Variants in GRM6 observed in about 807,000 individuals in gnomAD.
GRM6 encodes glutamate metabotropic receptor 6.
A neutral mutation model predicts 78.4 loss-of-function variants in GRM6; 73 were observed. The ratio of observed to expected loss-of-function variants is 0.93; its 90% CI spans 0.77 to 1.13. The LOEUF is 1.13. GRM6 is among the 50% of genes most tolerant of loss of function. The pLI is 0.00. For missense variants in GRM6, 1,251 were observed against 1,256.4 expected (o/e 1.00, Z 0.07); for synonymous variants, 580 against 555.0 (o/e 1.05, Z -0.63).
At position 178,986,632 on chromosome 5, in the gene GRM6, T is replaced by C. The variant is rs201510566; in HGVS notation, c.1622A>G (p.Glu541Gly). The stretch of plus-strand genomic sequence containing the variant: ...CTGGAAGCGGTACCCGTCACAGGCC[T>C]CGCAGTGCCAACAGCAGGGGACGCC... The part of the protein sequence containing the change: ...VKGVPCCWHC[E>G]ACDGYRFQVD... The change falls in exon 9 of 11, where the codon GAG (glutamate) becomes GGG (glycine). Residue 541 changes from glutamate (E) to glycine (G), a missense_variant. Physicochemically the swap from Glu to Gly is moderately conservative, Grantham distance 98. Coordinates refer to ENST00000517717, the MANE Select transcript of GRM6 (RefSeq NM_000843.4). The C allele has an allele frequency of 1.1e-5, 18 of 1,602,778 alleles. No homozygotes were observed. Among genetic ancestry groups the C allele is most frequent in the Non-Finnish European group, 1.0e-5 (12 of 1,179,892 alleles).
At position 178,991,442 on chromosome 5, in the gene GRM6, G is replaced by A. The variant is rs558788972; in HGVS notation, c.839C>T (p.Ala280Val). Reference sequence around the variant, plus strand: ...GTCCCACCTGATGTCATCCTCATTGGCAAAGATGATGATGCCCCGGGCGTT... The same window carrying A: ...GTCCCACCTGATGTCATCCTCATTGACAAAGATGATGATGCCCCGGGCGTT... ...TPNARGIIIF[A>V]NEDDIRRVLE... is the part of the protein sequence containing the mutation. Residue 280 changes from alanine to valine, a missense_variant, in exon 4 of 11, where the codon GCC (alanine) becomes GTC (valine). Ala to Val is a moderately conservative substitution (Grantham distance 64). Coordinates refer to ENST00000517717, the MANE Select transcript of GRM6 (RefSeq NM_000843.4). The surrounding 1 kb of genome is among the most constrained non-coding windows in gnomAD (Gnocchi z 5.0). 42 of 1,613,918 alleles carry A rather than the reference G, an allele frequency of 2.6e-5. 1 individual carries two copies. In the South Asian group the frequency reaches 4.4e-4, roughly 17 times the overall value.
rs879376790 is a variant in GRM6, at chr5:178,988,522, C to T, written c.1354+413G>A. ...GGTGCCAAGGGACAGGTCAGACCCA[C>T]GCCTGTGCCTGGCGCATGACTCAGA... On this transcript the variant is annotated intron_variant, in intron 7 of 10. Transcript: ENST00000517717. This position sits in a 1 kb window ranked among gnomAD's most constrained non-coding sequence, Gnocchi z 6.0. Among the ~76,000 whole-genome samples the T allele has an allele frequency of 1.3e-5, 2 of 152,236 alleles. No individual in the cohort carries two copies. Among genetic ancestry groups the T allele is most frequent in the African/African-American group, 2.4e-5 (1 of 41,462 alleles).
intron 7 of GRM6, among the ~76,000 whole-genome samples, chr5:178,987,915 ATG>A (rs1561718715): frequency 6.9e-6 from 1 of 144,106 alleles, no homozygotes; most frequent in African/African-American, 2.5e-5. Context: ...ACCCGTCGCC[ATG>A]CCCAGCTAAT....
chr5:178,989,211 A>ACCCCCCC, intron 6 of GRM6, 54 bp downstream of exon 6: 1 of 121,706 alleles, frequency 8.2e-6, no homozygotes, highest in Non-Finnish European at 1.3e-5. Context: ...CCCCCTCCCC[A>ACCCCCCC]CCCTCACCAC....
rs1352902282 is a variant in GRM6 at position 178,986,440 on chromosome 5, G to A, written c.1814C>T (p.Ala605Val). ...CGTGTTGTTGTACCGCACGAAGGTG[G>A]CCACCACCGTGGTAGTGGCCACGAT... ...LGIVATTTVV[A>V]TFVRYNNTPI... is the part of the protein sequence containing the mutation. Residue 605 changes from alanine (A) to valine (V), a missense_variant, in exon 9 of 11, where the codon GCC (alanine) becomes GTC (valine). Ala to Val is a moderately conservative substitution (Grantham distance 64). Coordinates refer to ENST00000517717, the MANE Select transcript of GRM6 (RefSeq NM_000843.4). 6.2e-7 allele frequency: 1 copy of A among 1,613,332 alleles called. No individual in the cohort carries two copies. The highest frequency in any genetic ancestry group is 8.5e-7 in the Non-Finnish European group (1 of 1,179,920).
At position 178,991,613 on chromosome 5, in the gene GRM6, C is replaced by G; in HGVS notation, c.722-54G>C. 1.3e-6 allele frequency: 2 copies of G among 1,595,130 alleles called. No individual in the cohort carries two copies. The highest frequency in any genetic ancestry group is 2.2e-5 in the East Asian group (1 of 44,742). On this transcript the variant is annotated intron_variant, in intron 3 of 10. Coordinates refer to ENST00000517717, the MANE Select transcript of GRM6 (RefSeq NM_000843.4). This position sits in a 1 kb window ranked among gnomAD's most constrained non-coding sequence, Gnocchi z 5.0. Reference sequence around the variant, plus strand: ...TCCGTCCCACCCACCCACACACCCACCTGGCCACCGCTGCAGAGGACTGTG... The same window carrying G: ...TCCGTCCCACCCACCCACACACCCAGCTGGCCACCGCTGCAGAGGACTGTG...
chr5:178,982,470 G>A (rs1290275249), intron 10 of GRM6, among the ~76,000 whole-genome samples: 1 of 151,102 alleles, frequency 6.6e-6, no homozygotes, highest in Non-Finnish European at 1.5e-5. Flanking sequence ...CCCAGCTACG[G>A]GGGAGGCTGA....
At chr5:178,993,868 C>T (rs1416271965) in intron 2 of GRM6, among the ~76,000 whole-genome samples, 5 of 152,166 alleles carry the variant, frequency 3.3e-5, no homozygotes, top group African/African-American at 9.7e-5. Context: ...AGGGAACGCC[C>T]CGCCCTGCTC....
rs755967391 is a variant in GRM6 at position 178,986,187 on chromosome 5, AG to A, written c.2066del (p.Pro689LeufsTer24). On this transcript the variant is annotated frameshift_variant, in exon 9 of 11. Coordinates refer to ENST00000517717, the MANE Select transcript of GRM6 (RefSeq NM_000843.4). LOFTEE classifies it high-confidence loss of function. ...GCTGTGAGGTGGGGCTGATGAAGGG[AG>A]GGGGTGTGACCGAGCGCTTGCCCTG... ...FEQGKRSVTPPPFISPTSQLV... is the reference protein window; with the variant it reads ...FEQGKRSVTPXPFISPTSQLV... The A allele has an allele frequency of 2.8e-5, 45 of 1,613,950 alleles. No homozygotes were observed. The South Asian group carries it at 4.4e-4, about 16-fold the overall frequency.
rs1490787628 is a variant in GRM6 at position 178,983,088 on chromosome 5, C to G, written c.2258G>C (p.Gly753Ala). The G allele has an allele frequency of 6.2e-7, 1 of 1,613,882 alleles. No homozygotes were observed. The highest frequency in any genetic ancestry group is 1.3e-5 in the African/African-American group (1 of 74,872). The change falls in exon 10 of 11, where the codon GGC becomes GCC. Residue 753 changes from glycine (G) to alanine (A), a missense_variant. Gly to Ala is a moderately conservative substitution (Grantham distance 60, BLOSUM62 0). Coordinates refer to ENST00000517717, the MANE Select transcript of GRM6 (RefSeq NM_000843.4). ...GAGCAGGAGGCTGTAGCCCAGGCAG[C>G]CGATGAGAGACAGATCCGACATGTC... The part of the protein sequence containing the change: ...KCDMSDLSLI[G>A]CLGYSLLLMV...
chr5:178,994,873 C>A lies in GRM6; in HGVS notation c.72G>T (p.Ala24=). 1 of 1,205,694 alleles carries A rather than the reference C, an allele frequency of 8.3e-7. No homozygotes were observed. Among genetic ancestry groups the A allele is most frequent in the African/African-American group, 1.6e-5 (1 of 61,794 alleles). The allele number at this position is 1,205,694 out of a possible 1,614,324, so 74.7% of individuals were successfully genotyped here. The change falls in exon 2 of 11, where the codon GCG becomes GCT. Residue 24 remains alanine (A), a synonymous_variant. Coordinates refer to ENST00000517717, the MANE Select transcript of GRM6 (RefSeq NM_000843.4). ...CAGAGCCCGCCGCGCGCGCCAGGCC[C>A]GCCTGCGCCAGCCACGCCAGCGGCA... ...ALLPLAWLAQ[A]GLARAAGSVR... is the part of the protein sequence containing the mutation.
chr5:178,980,655 A>G lies in GRM6; in HGVS notation c.*1002T>C, dbSNP rs942757063. 2 of 152,370 alleles carry G rather than the reference A, an allele frequency of 1.3e-5. No individual in the cohort carries two copies. The highest frequency in any genetic ancestry group is 2.9e-5 in the Non-Finnish European group (2 of 68,244). The allele number at this position is 152,370 out of a possible 1,614,324, so 9.4% of individuals were successfully genotyped here. ...TGTTTTTTTGTTTTGTTTTTTTGAG[A>G]CAGAGTCTCGCTCTGTCACCCAGGC... On this transcript the variant is annotated 3_prime_UTR_variant, in exon 11 of 11. Coordinates refer to ENST00000517717, the MANE Select transcript of GRM6 (RefSeq NM_000843.4). The surrounding 1 kb of genome is among the most constrained non-coding windows in gnomAD (Gnocchi z 4.3).
In GRM6 at chr5:178,994,797, G is replaced by A; in HGVS notation, c.148C>T (p.Arg50Trp). The A allele has an allele frequency of 3.1e-6, 4 of 1,300,588 alleles. No homozygotes were observed. The highest frequency in any genetic ancestry group is 4.0e-5 in the South Asian group (2 of 49,636). 80.6% of individuals were successfully genotyped at this position (1,300,588 alleles called of 1,614,324 possible). The part of the protein sequence containing the change: ...TLGGLFPVHA[R>W]GAAGRACGQL... Reference sequence around the variant, plus strand: ...CCGCACGCCCGGCCCGCCGCGCCCCGCGCGTGCACCGGGAACAGGCCGCCC... The same window carrying A: ...CCGCACGCCCGGCCCGCCGCGCCCCACGCGTGCACCGGGAACAGGCCGCCC... Residue 50 changes from arginine to tryptophan, a missense_variant, in exon 2 of 11, where the codon CGG (arginine) becomes TGG (tryptophan). Transcript: ENST00000517717.
chr5:178,984,019 G>C (rs768547897), intron 9 of GRM6, among the ~76,000 whole-genome samples: 1 of 152,212 alleles, frequency 6.6e-6, no homozygotes, highest in African/African-American at 2.4e-5. Flanking sequence ...ATGCTTTGCA[G>C]TCATCTGCCC....
rs947905326 is a variant in GRM6, at chr5:178,979,301, T to C, written c.*2356A>G. Reference sequence around the variant, plus strand: ...GCAGAAACTGTATGCACACACCGAGTGTGGAAAAGCCCTCTTGTGGAAGTC... The same window carrying C: ...GCAGAAACTGTATGCACACACCGAGCGTGGAAAAGCCCTCTTGTGGAAGTC... On this transcript the variant is annotated 3_prime_UTR_variant, in exon 11 of 11. Transcript: ENST00000517717. 3 of 151,970 alleles carry C rather than the reference T, an allele frequency of 2.0e-5. No homozygotes were observed. The highest frequency in any genetic ancestry group is 7.3e-5 in the African/African-American group (3 of 41,338). 9.4% of individuals were successfully genotyped at this position (151,970 alleles called of 1,614,324 possible). A position where few individuals can be genotyped will look rare whatever the true frequency, so the allele number is the denominator to read the frequency against.
In GRM6 at chr5:178,986,310, C is replaced by A. The variant is rs62638619; in HGVS notation, c.1944G>T (p.Ala648=). ...GGAAGAGCCTGCGGGCGGCACAGAC[C>A]GCGGCCCCAGGCTCAGCCACCATGA... The part of the protein sequence containing the change: ...TFLMVAEPGA[A]VCAARRLFLG... Residue 648 remains alanine, a synonymous_variant, in exon 9 of 11, where the codon GCG becomes GCT. Transcript: ENST00000517717. 1.9e-3 allele frequency: 3,122 copies of A among 1,613,936 alleles called. 7 individuals carry two copies. The highest frequency in any genetic ancestry group is 2.4e-3 in the Non-Finnish European group (2,784 of 1,179,948).
At position 178,981,413 on chromosome 5, in the gene GRM6, G is replaced by GGTC; in HGVS notation, c.*243_*244insGAC. On this transcript the variant is annotated 3_prime_UTR_variant, in exon 11 of 11. Coordinates refer to ENST00000517717, the MANE Select transcript of GRM6 (RefSeq NM_000843.4). The surrounding 1 kb of genome is among the most constrained non-coding windows in gnomAD (Gnocchi z 5.1). ...TTTCTAGAGCTAGAACCTTCTCGGT[G>GGTC]GCTGTTTCCCACCATGGGAAGCGAG... The GGTC allele has an allele frequency of 3.7e-6, 2 of 543,816 alleles. No individual in the cohort carries two copies. Among genetic ancestry groups the GGTC allele is most frequent in the Non-Finnish European group, 6.6e-6 (2 of 303,458 alleles). The allele number at this position is 543,816 out of a possible 1,614,324, so 33.7% of individuals were successfully genotyped here. A position where few individuals can be genotyped will look rare whatever the true frequency, so the allele number is the denominator to read the frequency against.
rs1329007945 is a variant in GRM6 at position 178,986,595 on chromosome 5, G to A, written c.1659C>T (p.Phe553=). The part of the protein sequence containing the change: ...CDGYRFQVDE[F]TCEACPGDMR... ...TGTCCCCAGGACAGGCCTCGCATGT[G>A]AACTCGTCCACCTGGAAGCGGTACC... The change falls in exon 9 of 11, where the codon TTC becomes TTT. Residue 553 remains phenylalanine (F), a synonymous_variant. Transcript: ENST00000517717. 7 of 1,605,194 alleles carry A rather than the reference G, an allele frequency of 4.4e-6. No individual in the cohort carries two copies. Among genetic ancestry groups the A allele is most frequent in the Non-Finnish European group, 5.9e-6 (7 of 1,179,884 alleles).
Position 178,988,919 on chromosome 5 carries a change from G to T in GRM6, c.1354+16C>A. The T allele has an allele frequency of 1.2e-6, 2 of 1,602,870 alleles. No individual in the cohort carries two copies. Among genetic ancestry groups the T allele is most frequent in the Middle Eastern group, 2.1e-4 (1 of 4,786 alleles). ...AGCTGTCCTTCACTGCTGCAGGGGGGCAGGCACCCACTCACCATTGAAGCG... is the reference window on the plus strand; with the variant it reads ...AGCTGTCCTTCACTGCTGCAGGGGGTCAGGCACCCACTCACCATTGAAGCG... On this transcript the variant is annotated intron_variant, in intron 7 of 10. Transcript: ENST00000517717. The surrounding 1 kb of genome is among the most constrained non-coding windows in gnomAD (Gnocchi z 6.0).
Sources: allele counts gnomAD v4.1 joint callset (sites outside exome capture counted in the v4.1 genomes callset), GRCh38; gene constraint gnomAD v4.1.1; non-coding constraint Gnocchi (gnomAD v3.1); transcripts MANE v1.5; gene names NCBI Gene and HGNC (gene_info 2026-07-23, HGNC 2026-07-21).